Variants in ZPLD1 observed in about 807,000 individuals in gnomAD.
ZPLD1 encodes the protein zona pellucida-like domain-containing protein 1.
A neutral mutation model predicts 47.2 loss-of-function variants in ZPLD1; 34 were observed. The ratio of observed to expected loss-of-function variants is 0.72; its 90% CI spans 0.55 to 0.96. The LOEUF (loss-of-function observed/expected upper bound fraction) is 0.96, where lower values mean the gene tolerates loss of function less well. Among genes scored for constraint, ZPLD1 ranks in the 40% least tolerant of loss-of-function variants. The pLI is 0.00. For synonymous variants in ZPLD1, 176 were observed against 186.2 expected (o/e 0.95, Z 0.45); for missense variants, 512 against 505.8 (o/e 1.01, Z -0.12).
intron 3 of ZPLD1, 83 bp from the exon 4 acceptor site, chr3:102,452,836 A>G: frequency 2.1e-6 from 3 of 1,444,186 alleles, no homozygotes; most frequent in South Asian, 2.5e-5. Context: ...AAGGAGATGA[A>G]TAAATATATC....
In ZPLD1 at chr3:102,464,254, A is replaced by G; in HGVS notation, c.761+3A>G. On this transcript the variant is annotated splice_donor_region_variant and intron_variant, in intron 8 of 11. Transcript: ENST00000466937. ...ATTCGATATGATCTTTTCCTTAGGT[A>G]AGACTTAGCTGTCTAAGTATTATAT... The G allele has an allele frequency of 6.2e-7, 1 of 1,603,852 alleles. No homozygotes were observed. Among genetic ancestry groups the G allele is most frequent in the Non-Finnish European group, 8.5e-7 (1 of 1,170,846 alleles).
chr3:102,465,583 C>T (rs1043608002), intron 8 of ZPLD1, among the ~76,000 whole-genome samples: 2 of 152,030 alleles, frequency 1.3e-5, no homozygotes, highest in Non-Finnish European at 1.5e-5. Context: ...TTTTTTTTGA[C>T]ATTTCTCTTA....
chr3:102,421,720 G>T (rs1434666317), intron 8 of ZPLD1, among the ~76,000 whole-genome samples: 1 of 151,506 alleles, frequency 6.6e-6, no homozygotes, highest in Non-Finnish European at 1.5e-5. Flanking sequence ...TAATTACAGG[G>T]CATAAAAAGT....
chr3:102,471,147 C>G (rs1707679243), intron 10 of ZPLD1, among the ~76,000 whole-genome samples: 1 of 152,186 alleles, frequency 6.6e-6, no homozygotes, highest in Non-Finnish European at 1.5e-5. Flanking sequence ...CCCATGACTA[C>G]TAATTTGAGT....
At chr3:102,461,527 G>T (rs1331697076) in intron 6 of ZPLD1, among the ~76,000 whole-genome samples, 3 of 152,008 alleles carry the variant, frequency 2.0e-5, no homozygotes, top group Non-Finnish European at 4.4e-5. Context: ...TAAAGAATTT[G>T]TGCAGGAACC....
intron 7 of ZPLD1, among the ~76,000 whole-genome samples, chr3:102,409,532 A>T (rs1218825400): frequency 6.6e-6 from 1 of 151,862 alleles, no homozygotes; most frequent in East Asian, 1.9e-4. Context: ...TGTTAAAAAC[A>T]TGTTAAACTA....
rs752462435 is a variant in ZPLD1, at chr3:102,400,640, G to C, written c.-157+8415G>C. 8.1e-4 allele frequency among the ~76,000 whole-genome samples: 123 copies of C among 152,000 alleles called. 2 individuals are homozygous for C. The highest frequency in any genetic ancestry group is 1.2e-4 in the Non-Finnish European group (8 of 67,952). The stretch of plus-strand genomic sequence containing the variant: ...TGACTGCACTATTTACTTGGTCCTT[G>C]AAATATACTGTACTTTATCATTTAT... On this transcript the variant is annotated intron_variant, in intron 7 of 17. Coordinates refer to the ZPLD1 transcript ENST00000491959.
intron 7 of ZPLD1, among the ~76,000 whole-genome samples, chr3:102,396,030 G>T (rs1333570348): frequency 6.6e-6 from 1 of 152,036 alleles, no homozygotes; most frequent in Non-Finnish European, 1.5e-5. Flanking sequence ...TGTTTTGTTT[G>T]CATTTCCTAC....
intron 8 of ZPLD1, among the ~76,000 whole-genome samples, chr3:102,422,797 T>C (rs1361241217): frequency 6.6e-6 from 1 of 151,254 alleles, no homozygotes; most frequent in Non-Finnish European, 1.5e-5. Flanking sequence ...AAACATGTGA[T>C]TGGGCAGATA....
At position 102,428,674 on chromosome 3, in the gene ZPLD1, A is replaced by G. The variant is rs1363974294; in HGVS notation, c.-8-9806A>G. Among the ~76,000 whole-genome samples the G allele has an allele frequency of 4.0e-5, 6 of 151,476 alleles. No individual in the cohort carries two copies. The East Asian group carries it at 1.2e-3, about 29-fold the overall frequency. On this transcript the variant is annotated intron_variant, in intron 8 of 17. Coordinates refer to the ZPLD1 transcript ENST00000491959. The stretch of plus-strand genomic sequence containing the variant: ...CTCAAGCATTTAATGCTTAAAAATT[A>G]AAAAAATAAATTTGTTCAATCTTAG...
chr3:102,387,127 C>G lies in ZPLD1; in HGVS notation c.-213+1810C>G, dbSNP rs112144126. Reference sequence around the variant, plus strand: ...AATTATATAGCTCCATCATTCTTTCCTGTAAATTAACTGTGAGCTGGGTCT... The same window carrying G: ...AATTATATAGCTCCATCATTCTTTCGTGTAAATTAACTGTGAGCTGGGTCT... On this transcript the variant is annotated intron_variant, in intron 6 of 17. Coordinates refer to the ZPLD1 transcript ENST00000491959. Among the ~76,000 whole-genome samples, 1,454 of 152,204 alleles carry G rather than the reference C, an allele frequency of 9.6e-3. 25 individuals are homozygous for G. The highest frequency in any genetic ancestry group is 0.033 in the African/African-American group (1,381 of 41,516).
intron 5 of ZPLD1, among the ~76,000 whole-genome samples, chr3:102,456,664 G>A (rs1249078852): frequency 6.6e-6 from 1 of 152,012 alleles, no homozygotes; most frequent in Non-Finnish European, 1.5e-5. Context: ...AAACTAGCCA[G>A]TTGTCTGCCT....
intron 7 of ZPLD1, among the ~76,000 whole-genome samples, chr3:102,410,884 A>G (rs926319905): frequency 6.6e-6 from 1 of 151,820 alleles, no homozygotes; most frequent in Non-Finnish European, 1.5e-5. Flanking sequence ...TAAAAATTCC[A>G]ACAGATTTGT....
At chr3:102,431,975 A>G (rs1707021112), upstream of ZPLD1, among the ~76,000 whole-genome samples, 1 of 152,172 alleles carries the variant, frequency 6.6e-6, no homozygotes, top group Non-Finnish European at 1.5e-5. Flanking sequence ...TTTCCTGGAG[A>G]GAAGACTGTG....
At chr3:102,393,474 T>G (rs1706523773) in intron 7 of ZPLD1, among the ~76,000 whole-genome samples, 1 of 152,108 alleles carries the variant, frequency 6.6e-6, no homozygotes, top group Admixed American at 6.6e-5. Context: ...GGTATAATTG[T>G]GTTTGGATTT....
At chr3:102,458,932 T>C (rs1205000477) in intron 6 of ZPLD1, among the ~76,000 whole-genome samples, 2 of 150,860 alleles carry the variant, frequency 1.3e-5, no homozygotes, top group South Asian at 2.1e-4. Flanking sequence ...TACTAAAAAA[T>C]ACAAAAAATT....
intron 9 of ZPLD1, among the ~76,000 whole-genome samples, chr3:102,470,027 T>C (rs1258796933): frequency 6.6e-6 from 1 of 152,112 alleles, no homozygotes; most frequent in Non-Finnish European, 1.5e-5. Context: ...CAGATGGGGG[T>C]AAATGGAGAG....
At chr3:102,442,691 T>C (rs764960614) in intron 3 of ZPLD1, among the ~76,000 whole-genome samples, 1 of 152,166 alleles carries the variant, frequency 6.6e-6, no homozygotes, top group Non-Finnish European at 1.5e-5. Context: ...AAAGGGGCTA[T>C]CTAAATGCAA....
intron 6 of ZPLD1, among the ~76,000 whole-genome samples, chr3:102,458,616 T>C (rs1355453463): frequency 3.3e-5 from 5 of 152,200 alleles, no homozygotes; most frequent in African/African-American, 1.2e-4. Flanking sequence ...GATTTAAAAG[T>C]CAGTGCTTTA....
Sources: gnomAD v4.1 joint callset for allele counts (sites outside exome capture counted in the v4.1 genomes callset) on GRCh38, gnomAD v4.1.1 for gene constraint, MANE v1.5 for transcripts, NCBI Gene and HGNC (gene_info 2026-07-23, HGNC 2026-07-21) for gene names.